GALNT10: variants seen among roughly 807,000 people sequenced by gnomAD.
GALNT10 encodes the protein polypeptide N-acetylgalactosaminyltransferase 10, also known as GalNAc transferase 10.
A neutral mutation model predicts 75.0 loss-of-function variants in GALNT10; 41 were observed. That is an observed-to-expected ratio of 0.55 (90% CI 0.43 to 0.71). The LOEUF (loss-of-function observed/expected upper bound fraction) is 0.71, where lower values mean the gene tolerates loss of function less well. Ranked by LOEUF, GALNT10 falls within the 30% of genes least tolerant of loss-of-function variation. GALNT10 has a pLI of 0.00. For missense variants in GALNT10, 727 were observed against 818.5 expected (o/e 0.89, Z 1.36); for synonymous variants, 302 against 313.0 (o/e 0.96, Z 0.37).
intron 4 of GALNT10, among the ~76,000 whole-genome samples, chr5:154,370,433 C>T (rs760118006): frequency 2.0e-5 from 3 of 152,126 alleles, no homozygotes; most frequent in African/African-American, 4.8e-5. Context: ...GGTTTGGGTA[C>T]ATCAGGAAAG....
At chr5:154,353,849 C>G (rs1755248580) in intron 4 of GALNT10, among the ~76,000 whole-genome samples, 1 of 152,208 alleles carries the variant, frequency 6.6e-6, no homozygotes, top group South Asian at 2.1e-4. Context: ...AGCCTTACCT[C>G]CCTCTTCCCC....
At chr5:154,328,104 A>G (rs1754784057) in intron 3 of GALNT10, among the ~76,000 whole-genome samples, 1 of 151,506 alleles carries the variant, frequency 6.6e-6, no homozygotes, top group African/African-American at 2.4e-5. Flanking sequence ...AGGAGGGCAG[A>G]AGCTTATGTA....
At chr5:154,345,528 G>A (rs1159642855) in intron 4 of GALNT10, among the ~76,000 whole-genome samples, 1 of 150,926 alleles carries the variant, frequency 6.6e-6, no homozygotes. Flanking sequence ...TTCCTCATAT[G>A]AGTGAGATCA....
At chr5:154,247,367 G>T (rs955597480) in intron 1 of GALNT10, among the ~76,000 whole-genome samples, 6 of 152,170 alleles carry the variant, frequency 3.9e-5, no homozygotes, top group African/African-American at 1.2e-4. Flanking sequence ...GTAGCTTGAT[G>T]GGGATGGCAT....
Position 154,352,946 on chromosome 5 carries a change from G to A in GALNT10, c.568+23208G>A, listed in dbSNP as rs10065331. Among the ~76,000 whole-genome samples the A allele has an allele frequency of 0.05, 7,641 of 152,168 alleles. 338 individuals carry two copies. Among genetic ancestry groups the A allele is most frequent in the African/African-American group, 0.12 (5,171 of 41,486 alleles). ...AATTTCCTTCTGTCTCAAGCTCTGT[G>A]TCATCCGAAGGTGAACTTGGATCCA... On this transcript the variant is annotated intron_variant, in intron 4 of 11. Transcript: ENST00000297107. The surrounding 1 kb of genome is among the most constrained non-coding windows in gnomAD (Gnocchi z 4.4).
rs138648560 is a variant in GALNT10 at position 154,290,955 on chromosome 5, T to C, written c.160-3861T>C. Among the ~76,000 whole-genome samples the C allele has an allele frequency of 1.9e-3, 292 of 152,236 alleles. 1 individual carries two copies. Among genetic ancestry groups the C allele is most frequent in the African/African-American group, 6.9e-3 (288 of 41,526 alleles). On this transcript the variant is annotated intron_variant, in intron 1 of 11. Coordinates refer to ENST00000297107, the MANE Select transcript of GALNT10 (RefSeq NM_198321.4). ...GCTTAGACATGTAGAACTCCCTGTGTCAGCAGGCTCCAAAGTCCTCCTGGT... is the reference window on the plus strand; with the variant it reads ...GCTTAGACATGTAGAACTCCCTGTGCCAGCAGGCTCCAAAGTCCTCCTGGT...
intron 4 of GALNT10, among the ~76,000 whole-genome samples, chr5:154,372,237 C>G (rs943789462): frequency 6.6e-6 from 1 of 152,140 alleles, no homozygotes; most frequent in Admixed American, 6.5e-5. Context: ...TAATTAGTGA[C>G]TAGCATCATA....
intron 1 of GALNT10, among the ~76,000 whole-genome samples, chr5:154,221,986 A>G (rs922186617): frequency 6.6e-6 from 1 of 152,160 alleles, no homozygotes; most frequent in East Asian, 1.9e-4. Flanking sequence ...TTGAATTACA[A>G]TAAACTGCAC....
At chr5:154,305,164 CAT>C (rs1274165365) in intron 3 of GALNT10, among the ~76,000 whole-genome samples, 10 of 151,952 alleles carry the variant, frequency 6.6e-5, no homozygotes, top group Admixed American at 6.6e-4. Flanking sequence ...GGCATAGTGG[CAT>C]ATGTTTGTAG....
chr5:154,276,348 T>G (rs75223493), intron 1 of GALNT10, among the ~76,000 whole-genome samples: 14,598 of 152,240 alleles, frequency 0.096, 924 homozygotes, highest in Non-Finnish European at 0.14. Flanking sequence ...GCCCCCTTGA[T>G]CTACAAAACC....
intron 1 of GALNT10, among the ~76,000 whole-genome samples, chr5:154,286,421 G>C (rs1754113227): frequency 6.6e-6 from 1 of 150,790 alleles, no homozygotes; most frequent in African/African-American, 2.4e-5. Flanking sequence ...AAACATTTGG[G>C]CACTTATCCT....
At chr5:154,406,272 C>T (rs1419598263) in intron 8 of GALNT10, 3 of 152,182 alleles carry the variant, frequency 2.0e-5, no homozygotes, top group African/African-American at 4.8e-5. Context: ...TGTGTTTAGG[C>T]ATTTTAACGT....
Position 154,402,665 on chromosome 5 carries a change from C to T in GALNT10, c.1057-1439C>T, listed in dbSNP as rs1014365239. 8 of 152,166 alleles carry T rather than the reference C, an allele frequency of 5.3e-5. No individual in the cohort carries two copies. The highest frequency in any genetic ancestry group is 1.9e-4 in the African/African-American group (8 of 41,410). 9.4% of individuals were successfully genotyped at this position (152,166 alleles called of 1,614,324 possible). On this transcript the variant is annotated intron_variant, in intron 7 of 11. Transcript: ENST00000297107. The surrounding 1 kb of genome is among the most constrained non-coding windows in gnomAD (Gnocchi z 4.2). ...AGAATAGTCAGGCCATGAGCCAGGG[C>T]CGCAGTCATCTGCAGGCTTGACTGT... is the stretch of plus-strand genomic sequence containing the variant.
At chr5:154,291,255 T>G (rs1329578803) in intron 1 of GALNT10, among the ~76,000 whole-genome samples, 1 of 152,190 alleles carries the variant, frequency 6.6e-6, no homozygotes, top group African/African-American at 2.4e-5. Context: ...CTGGAAGACT[T>G]TCACAAGCTT....
chr5:154,397,915 G>C (rs1040088719), intron 7 of GALNT10, among the ~76,000 whole-genome samples: 3 of 152,168 alleles, frequency 2.0e-5, no homozygotes, highest in Non-Finnish European at 4.4e-5. Flanking sequence ...GTCCCATTGT[G>C]TTTTCCCAAT....
intron 1 of GALNT10, among the ~76,000 whole-genome samples, chr5:154,212,920 A>G (rs780014592): frequency 6.7e-6 from 1 of 150,112 alleles, no homozygotes; most frequent in Non-Finnish European, 1.5e-5. Context: ...GTGAGCGGAG[A>G]TCGCGCCACT....
In GALNT10 at chr5:154,352,825, G is replaced by A. The variant is rs977519047; in HGVS notation, c.568+23087G>A. Among the ~76,000 whole-genome samples, 8 of 152,136 alleles carry A rather than the reference G, an allele frequency of 5.3e-5. No individual in the cohort carries two copies. Among genetic ancestry groups the A allele is most frequent in the African/African-American group, 1.7e-4 (7 of 41,418 alleles). ...TGGTTTAAGAAACCTTGACCACCCC[G>A]CGGTCTTGCATCGGGACATGGCTAT... On this transcript the variant is annotated intron_variant, in intron 4 of 11. Transcript: ENST00000297107. The surrounding 1 kb of genome is among the most constrained non-coding windows in gnomAD (Gnocchi z 4.4).
intron 1 of GALNT10, among the ~76,000 whole-genome samples, chr5:154,292,784 G>T (rs1581959311): frequency 6.6e-6 from 1 of 152,294 alleles, no homozygotes; most frequent in Non-Finnish European, 1.5e-5. Flanking sequence ...ATGTGTTGTT[G>T]CTCTGATTGA....
rs200092315 is a variant in GALNT10, at chr5:154,415,888, G to A, written c.1609G>A (p.Asp537Asn). 1.6e-4 allele frequency: 257 copies of A among 1,614,120 alleles called. No homozygotes were observed. Among genetic ancestry groups the A allele is most frequent in the Non-Finnish European group, 2.1e-4 (249 of 1,180,006 alleles). Residue 537 changes from aspartate (D) to asparagine (N), a missense_variant, in exon 11 of 12, where the codon GAC (aspartate) becomes AAC (asparagine). Coordinates refer to ENST00000297107, the MANE Select transcript of GALNT10 (RefSeq NM_198321.4). ...ISHTSPVTLY[D>N]CHSMKGNQLW... The stretch of plus-strand genomic sequence containing the variant: ...CCACACCAGCCCTGTCACGCTGTAC[G>A]ACTGCCACAGCATGAAGGGCAACCA...
Sources: gnomAD v4.1 joint callset for allele counts (sites outside exome capture counted in the v4.1 genomes callset) on GRCh38, gnomAD v4.1.1 for gene constraint, Gnocchi (gnomAD v3.1) non-coding constraint, MANE v1.5 for transcripts, NCBI Gene and HGNC (gene_info 2026-07-23, HGNC 2026-07-21) for gene names.